The following TUBA1C variants were observed in gnomAD, a reference collection of about 807,000 sequenced individuals.
TUBA1C encodes tubulin alpha-1C chain.
Under a neutral mutation model 34.9 loss-of-function variants are expected in TUBA1C, and 16 were observed. The ratio of observed to expected loss-of-function variants is 0.46; its 90% CI spans 0.31 to 0.70. The LOEUF (loss-of-function observed/expected upper bound fraction) is 0.70. Among genes scored for constraint, TUBA1C ranks in the 30% least tolerant of loss-of-function variants. The pLI is 0.05. For synonymous variants in TUBA1C, 177 were observed against 215.9 expected (o/e 0.82, Z 1.58); for missense variants, 329 against 587.3 (o/e 0.56, Z 4.55).
At chr12:49,256,918 G>A (rs919769709) in intron 1 of TUBA1C, among the ~76,000 whole-genome samples, 12 of 152,088 alleles carry the variant, frequency 7.9e-5, no homozygotes, top group African/African-American at 1.9e-4. Context: ...GGTGGTTCAC[G>A]CCTGTAATCC....
At chr12:49,231,717 C>CAGACAGATAGATAGATAGAT (rs1411016546) in intron 1 of TUBA1C, among the ~76,000 whole-genome samples, 1 of 151,156 alleles carries the variant, frequency 6.6e-6, no homozygotes, top group African/African-American at 2.5e-5. Context: ...GACAGACAGA[C>CAGACAGATAGATAGATAGAT]AGATAGATAG....
intron 1 of TUBA1C, among the ~76,000 whole-genome samples, chr12:49,248,183 G>A (rs1465490258): frequency 6.6e-6 from 1 of 151,962 alleles, no homozygotes; most frequent in Non-Finnish European, 1.5e-5. Context: ...GCTGAGGCAG[G>A]AGAACTGCTT....
rs765166314 is a variant in TUBA1C, at chr12:49,273,281, C to A, written c.*54C>A. The A allele has an allele frequency of 2.5e-6, 4 of 1,613,732 alleles. No individual in the cohort carries two copies. The Admixed American group carries it at 6.7e-5, about 27-fold the overall frequency. On this transcript the variant is annotated 3_prime_UTR_variant, in exon 4 of 4. Transcript: ENST00000301072. The stretch of plus-strand genomic sequence containing the variant: ...GTCTTGGAACTGTCTTATTTTTGTT[C>A]TGTAAATGTCTATTGCCGTAAATTG...
chr12:49,243,978 C>G (rs74555420), intron 1 of TUBA1C, among the ~76,000 whole-genome samples: 2 of 151,644 alleles, frequency 1.3e-5, no homozygotes, highest in Non-Finnish European at 2.9e-5. Flanking sequence ...AGCGAGATCC[C>G]GTATCTACAA....
At chr12:49,265,231 G>C in intron 1 of TUBA1C, 47 bp downstream of exon 1, 1 of 1,546,632 alleles carries the variant, frequency 6.5e-7, no homozygotes, top group South Asian at 1.2e-5. Context: ...CGTCCCAGGG[G>C]ACGGCGGGCC....
chr12:49,255,598 A>C (rs1354045791), intron 1 of TUBA1C, among the ~76,000 whole-genome samples: 2 of 151,596 alleles, frequency 1.3e-5, no homozygotes, highest in Non-Finnish European at 2.9e-5. Flanking sequence ...TCATTCTATC[A>C]CCCATGCTGG....
intron 1 of TUBA1C, among the ~76,000 whole-genome samples, chr12:49,258,589 G>C (rs772175735): frequency 1.1e-4 from 17 of 151,804 alleles, no homozygotes; most frequent in Non-Finnish European, 2.2e-4. Flanking sequence ...CACAACGCCT[G>C]GCTAATTTTT....
At chr12:49,266,586 T>G (rs1244301987) in intron 1 of TUBA1C, among the ~76,000 whole-genome samples, 1 of 152,048 alleles carries the variant, frequency 6.6e-6, no homozygotes, top group African/African-American at 2.4e-5. Flanking sequence ...CGATGGCTTA[T>G]GGTTGTAATC....
chr12:49,247,577 C>T (rs1942684102), intron 1 of TUBA1C, among the ~76,000 whole-genome samples: 1 of 151,988 alleles, frequency 6.6e-6, no homozygotes, highest in African/African-American at 2.4e-5. Flanking sequence ...GCACTCTAGC[C>T]TGGGCAACAG....
At chr12:49,236,185 A>G (rs546095160) in intron 1 of TUBA1C, among the ~76,000 whole-genome samples, 7 of 152,366 alleles carry the variant, frequency 4.6e-5, no homozygotes, top group African/African-American at 1.2e-4. Context: ...AGATTTTTCT[A>G]TTTAGAAGAC....
chr12:49,269,806 C>G (rs754766547), intron 2 of TUBA1C, 22 bp from the exon 3 acceptor site: 42 of 1,613,734 alleles, frequency 2.6e-5, no homozygotes, highest in Non-Finnish European at 3.5e-5. Context: ...CCCTCCTCCT[C>G]CTCCCCCATC....
intron 1 of TUBA1C, among the ~76,000 whole-genome samples, chr12:49,260,068 T>C (rs1942827067): frequency 6.6e-6 from 1 of 152,206 alleles, no homozygotes; most frequent in African/African-American, 2.4e-5. Flanking sequence ...TTACTATAAA[T>C]AGAAAAGTTT....
intron 1 of TUBA1C, among the ~76,000 whole-genome samples, chr12:49,259,446 C>T (rs148055757): frequency 1.3e-5 from 2 of 152,250 alleles, no homozygotes; most frequent in South Asian, 2.1e-4. Flanking sequence ...TGGTCTCAAA[C>T]GCCTGACCTC....
At chr12:49,230,637 C>T (rs1942486766) in intron 1 of TUBA1C, among the ~76,000 whole-genome samples, 1 of 152,222 alleles carries the variant, frequency 6.6e-6, no homozygotes, top group African/African-American at 2.4e-5. Flanking sequence ...TGTGCTGACC[C>T]TTTTCCCTCT....
upstream of TUBA1C, among the ~76,000 whole-genome samples, chr12:49,264,388 G>T (rs1212681840): frequency 6.6e-6 from 1 of 152,214 alleles, no homozygotes; most frequent in Non-Finnish European, 1.5e-5. Flanking sequence ...AAAAAGGTGG[G>T]AATAGAGTTT....
At chr12:49,261,255 A>G (rs1942837957), upstream of TUBA1C, among the ~76,000 whole-genome samples, 1 of 152,160 alleles carries the variant, frequency 6.6e-6, no homozygotes, top group Non-Finnish European at 1.5e-5. Context: ...CTTATTGTAA[A>G]GAAGGTTGTT....
At chr12:49,265,539 C>T (rs887905772) in intron 1 of TUBA1C, among the ~76,000 whole-genome samples, 3 of 152,244 alleles carry the variant, frequency 2.0e-5, no homozygotes, top group Non-Finnish European at 2.9e-5. Flanking sequence ...TTTTCTCAAG[C>T]GACCTCTCCT....
At position 49,269,376 on chromosome 12, in the gene TUBA1C, G is replaced by A; in HGVS notation, c.4-89G>A. 5.1e-6 allele frequency: 8 copies of A among 1,581,080 alleles called. No homozygotes were observed. In the South Asian group the frequency reaches 7.8e-5, roughly 15 times the overall value. ...CTGCGCCCAGCCAGTTATCTGTCTTGAAGGTTAATCAGTCATTAGGTGTGA... is the reference window on the plus strand; with the variant it reads ...CTGCGCCCAGCCAGTTATCTGTCTTAAAGGTTAATCAGTCATTAGGTGTGA... On this transcript the variant is annotated intron_variant, in intron 1 of 3. Transcript: ENST00000301072.
intron 1 of TUBA1C, among the ~76,000 whole-genome samples, chr12:49,266,742 G>T (rs1203752403): frequency 6.6e-6 from 1 of 151,976 alleles, no homozygotes; most frequent in East Asian, 1.9e-4. Flanking sequence ...CCAGCTTCTC[G>T]GGAGGCAGGG....
Sources: allele counts gnomAD v4.1 joint callset (sites outside exome capture counted in the v4.1 genomes callset), GRCh38; gene constraint gnomAD v4.1.1; transcripts MANE v1.5; gene names NCBI Gene and HGNC (gene_info 2026-07-23, HGNC 2026-07-21).